PEX5L: variants seen among roughly 807,000 people sequenced by gnomAD.
The protein encoded by PEX5L is PEX5-related protein.
In PEX5L, 30 loss-of-function variants were observed where a neutral mutation model predicts 84.0. The observed-to-expected ratio is 0.36, with a 90% CI of 0.27 to 0.48. PEX5L has a LOEUF of 0.48. Among genes scored for constraint, PEX5L ranks in the 20% least tolerant of loss-of-function variants. The pLI is 0.99. For synonymous variants in PEX5L, 270 were observed against 283.1 expected (o/e 0.95, Z 0.46); for missense variants, 533 against 754.6 (o/e 0.71, Z 3.44).
intron 1 of PEX5L, among the ~76,000 whole-genome samples, chr3:180,023,979 T>G (rs1180279701): frequency 6.6e-6 from 1 of 152,076 alleles, no homozygotes; most frequent in African/African-American, 2.4e-5. Context: ...ACTATTCAGG[T>G]CTGAAATCCA....
intron 2 of PEX5L, among the ~76,000 whole-genome samples, chr3:179,918,662 C>T (rs1768133460): frequency 6.6e-6 from 1 of 152,134 alleles, no homozygotes; most frequent in South Asian, 2.1e-4. Context: ...ATAATGACAC[C>T]CATTTCACAG....
At chr3:179,805,146 C>CTTTT (rs777171015) in intron 14 of PEX5L, among the ~76,000 whole-genome samples, 1 of 86,450 alleles carries the variant, frequency 1.2e-5, no homozygotes, top group Non-Finnish European at 2.4e-5. Flanking sequence ...ACTCGATGGT[C>CTTTT]TTTTTTTTTT....
At chr3:179,872,025 C>T (rs1249930723) in intron 7 of PEX5L, among the ~76,000 whole-genome samples, 2 of 152,136 alleles carry the variant, frequency 1.3e-5, no homozygotes, top group Non-Finnish European at 2.9e-5. Flanking sequence ...AGCTGGGCTA[C>T]AGGCTTGTGC....
At position 179,801,675 on chromosome 3, in the gene PEX5L, G is replaced by T; in HGVS notation, c.*153C>A. 1 of 634,172 alleles carries T rather than the reference G, an allele frequency of 1.6e-6. No homozygotes were observed. The highest frequency in any genetic ancestry group is 2.8e-6 in the Non-Finnish European group (1 of 357,738). The allele number at this position is 634,172 out of a possible 1,614,324, so 39.3% of individuals were successfully genotyped here. A position where few individuals can be genotyped will look rare whatever the true frequency, so the allele number is the denominator to read the frequency against. ...TGCTTTTGGATCTGAACAGAGACTG[G>T]GCATTGTCCACAGGAATTAATTTCC... On this transcript the variant is annotated 3_prime_UTR_variant, in exon 15 of 15. Coordinates refer to ENST00000467460, the MANE Select transcript of PEX5L (RefSeq NM_016559.3).
intron 8 of PEX5L, among the ~76,000 whole-genome samples, chr3:179,857,303 G>A (rs1249584383): frequency 6.6e-6 from 1 of 152,144 alleles, no homozygotes. Context: ...GCTCCAGAGG[G>A]GGTAAAACCA....
At chr3:179,809,698 T>C in intron 11 of PEX5L, 30 bp from the exon 12 acceptor site, 1 of 1,466,856 alleles carries the variant, frequency 6.8e-7, no homozygotes, top group South Asian at 1.3e-5. Flanking sequence ...CAATTTCAGA[T>C]TTTTTTTTGA....
Position 179,860,388 on chromosome 3 carries a change from T to A in PEX5L, c.727-1231A>T, listed in dbSNP as rs976059653. On this transcript the variant is annotated intron_variant, in intron 7 of 14. Transcript: ENST00000467460. The stretch of plus-strand genomic sequence containing the variant: ...GTAGGGAGGGTGACTTCTTGGTATG[T>A]GTGTTAGATTGCTCTGTAGCAGTGA... Among the ~76,000 whole-genome samples the A allele has an allele frequency of 1.7e-4, 26 of 152,330 alleles. 1 individual carries two copies. Among genetic ancestry groups the A allele is most frequent in the African/African-American group, 6.0e-4 (25 of 41,568 alleles).
At chr3:179,858,722 G>A (rs903230154) in intron 8 of PEX5L, among the ~76,000 whole-genome samples, 2 of 152,146 alleles carry the variant, frequency 1.3e-5, no homozygotes, top group Admixed American at 1.3e-4. Flanking sequence ...TGGCCTCACA[G>A]ACACCTAGCA....
At chr3:179,892,361 T>C (rs924425407) in intron 3 of PEX5L, among the ~76,000 whole-genome samples, 2 of 152,182 alleles carry the variant, frequency 1.3e-5, no homozygotes, top group African/African-American at 4.8e-5. Context: ...TGAGTGCCTC[T>C]TTATAGCACC....
chr3:179,891,491 AGGAGATATTAT>A (rs1757607265), intron 3 of PEX5L, among the ~76,000 whole-genome samples: 1 of 152,178 alleles, frequency 6.6e-6, no homozygotes, highest in Non-Finnish European at 1.5e-5. Flanking sequence ...AAGATGAAAC[AGGAGATATTAT>A]GAAGATACGG....
At chr3:179,926,671 T>G (rs1199831565) in intron 2 of PEX5L, among the ~76,000 whole-genome samples, 1 of 152,232 alleles carries the variant, frequency 6.6e-6, no homozygotes, top group East Asian at 1.9e-4. Context: ...CTGTTGTCTC[T>G]CCAACTAGAA....
intron 2 of PEX5L, among the ~76,000 whole-genome samples, chr3:179,966,823 G>T (rs1783453104): frequency 6.6e-6 from 1 of 152,134 alleles, no homozygotes; most frequent in African/African-American, 2.4e-5. Flanking sequence ...TCCTTTACAA[G>T]GTGAAAATGA....
intron 2 of PEX5L, among the ~76,000 whole-genome samples, chr3:179,942,421 G>C (rs139166420): frequency 1.1e-4 from 17 of 152,362 alleles, no homozygotes; most frequent in African/African-American, 3.4e-4. Flanking sequence ...CTGCGGGACC[G>C]CGGAGGCGGC....
chr3:179,957,541 A>G (rs1218320942), intron 2 of PEX5L, among the ~76,000 whole-genome samples: 1 of 152,232 alleles, frequency 6.6e-6, no homozygotes, highest in Non-Finnish European at 1.5e-5. Context: ...AACTAGCTCT[A>G]CTAAACAGAT....
intron 8 of PEX5L, among the ~76,000 whole-genome samples, chr3:179,858,239 A>C (rs533230464): frequency 6.6e-6 from 1 of 152,216 alleles, no homozygotes; most frequent in Non-Finnish European, 1.5e-5. Flanking sequence ...GTTTCCAACA[A>C]GTTCATAAGT....
At chr3:179,875,285 T>C in intron 6 of PEX5L, 69 bp downstream of exon 6, 1 of 1,488,334 alleles carries the variant, frequency 6.7e-7, no homozygotes, top group East Asian at 2.3e-5. Context: ...ACTTAACTCT[T>C]TGGCTATTTC....
intron 2 of PEX5L, among the ~76,000 whole-genome samples, chr3:179,948,069 T>C (rs1778084470): frequency 6.6e-6 from 1 of 152,190 alleles, no homozygotes; most frequent in Non-Finnish European, 1.5e-5. Flanking sequence ...ATTTACTATT[T>C]AGAACATTGT....
At chr3:179,813,389 G>A (rs906086357) in intron 10 of PEX5L, among the ~76,000 whole-genome samples, 1 of 152,034 alleles carries the variant, frequency 6.6e-6, no homozygotes, top group Non-Finnish European at 1.5e-5. Context: ...ATTTGAAAAC[G>A]CCTTGTAAAA....
At chr3:180,028,370 C>CG (rs1172238294) in intron 1 of PEX5L, among the ~76,000 whole-genome samples, 2 of 152,140 alleles carry the variant, frequency 1.3e-5, no homozygotes, top group African/African-American at 4.8e-5. Context: ...GTAAAACATG[C>CG]TTACAGGCCG....
Sources: allele counts gnomAD v4.1 joint callset (sites outside exome capture counted in the v4.1 genomes callset), GRCh38; gene constraint gnomAD v4.1.1; transcripts MANE v1.5; gene names NCBI Gene and HGNC (gene_info 2026-07-23, HGNC 2026-07-21).